Variants in ADAMTS2 observed in about 807,000 individuals in gnomAD.
ADAMTS2 encodes the protein ADAM metallopeptidase with thrombospondin type 1 motif 2, also known as A disintegrin and metalloproteinase with thrombospondin motifs 2.
In ADAMTS2, 50 loss-of-function variants were observed where a neutral mutation model predicts 123.0. The observed-to-expected ratio is 0.41, with a 90% CI of 0.32 to 0.51. The LOEUF is 0.51. Among genes scored for constraint, ADAMTS2 ranks in the 20% least tolerant of loss-of-function variants. The pLI is 0.35. For missense variants in ADAMTS2, 1,494 were observed against 1,705.2 expected (o/e 0.88, Z 2.18); for synonymous variants, 678 against 695.4 (o/e 0.98, Z 0.39).
intron 4 of ADAMTS2, among the ~76,000 whole-genome samples, chr5:179,193,265 C>T (rs1028476667): frequency 6.6e-6 from 1 of 152,186 alleles, no homozygotes; most frequent in Admixed American, 6.5e-5. Flanking sequence ...CATCATGGGC[C>T]GAGTGAACAA....
At chr5:179,122,324 G>GGCACCCCCCACTCA (rs1561766200) in intron 20 of ADAMTS2, among the ~76,000 whole-genome samples, 5 of 151,774 alleles carry the variant, frequency 3.3e-5, no homozygotes, top group Middle Eastern at 3.4e-3. Context: ...CTCTCTACTC[G>GGCACCCCCCACTCA]CACAGGCGTC....
At chr5:179,172,443 G>A (rs966442691) in intron 5 of ADAMTS2, among the ~76,000 whole-genome samples, 20 of 152,268 alleles carry the variant, frequency 1.3e-4, no homozygotes, top group Non-Finnish European at 2.9e-5. Flanking sequence ...GCGCATGAGG[G>A]GCAGGGGCCA....
chr5:179,207,500 C>T lies in ADAMTS2; in HGVS notation c.891+13G>A, dbSNP rs769860930. On this transcript the variant is annotated intron_variant, in intron 4 of 21. Transcript: ENST00000251582. ...TCCCCGCCCCACCCTGCCCCCTCAG[C>T]CACCCCACTCACAATGTTCATGAGT... 30 of 1,569,916 alleles carry T rather than the reference C, an allele frequency of 1.9e-5. No homozygotes were observed. In the East Asian group the frequency reaches 6.6e-4, roughly 34 times the overall value.
chr5:179,210,535 C>T (rs1356075845), intron 3 of ADAMTS2, among the ~76,000 whole-genome samples: 1 of 152,234 alleles, frequency 6.6e-6, no homozygotes, highest in Non-Finnish European at 1.5e-5. Context: ...AGCATCCCTC[C>T]ACCCAGGACC....
Position 179,113,724 on chromosome 5 carries a change from T to C in ADAMTS2, c.*143A>G. On this transcript the variant is annotated 3_prime_UTR_variant, in exon 22 of 22. Coordinates refer to ENST00000251582, the MANE Select transcript of ADAMTS2 (RefSeq NM_014244.5). ...TACCACATGCTCATGCCTATCTTTCTTACGTCATTCCCCCTCTTTGTTTTC... is the reference window on the plus strand; with the variant it reads ...TACCACATGCTCATGCCTATCTTTCCTACGTCATTCCCCCTCTTTGTTTTC... 1.2e-6 allele frequency: 1 copy of C among 859,098 alleles called. No individual in the cohort carries two copies. The highest frequency in any genetic ancestry group is 1.5e-5 in the South Asian group (1 of 65,414). 53.2% of individuals were successfully genotyped at this position (859,098 alleles called of 1,614,324 possible).
At chr5:179,288,686 C>T (rs2113540003) in intron 2 of ADAMTS2, among the ~76,000 whole-genome samples, 1 of 152,352 alleles carries the variant, frequency 6.6e-6, no homozygotes, top group South Asian at 2.1e-4. Context: ...GCAGCGAGGC[C>T]AGCAATGACC....
In ADAMTS2 at chr5:179,272,689, T is replaced by C. The variant is rs1413475751; in HGVS notation, c.688+222A>G. Among the ~76,000 whole-genome samples the C allele has an allele frequency of 1.3e-5, 2 of 152,124 alleles. No individual in the cohort carries two copies. Among genetic ancestry groups the C allele is most frequent in the Non-Finnish European group, 2.9e-5 (2 of 68,002 alleles). On this transcript the variant is annotated intron_variant, in intron 3 of 21. Transcript: ENST00000251582. The surrounding 1 kb of genome is among the most constrained non-coding windows in gnomAD (Gnocchi z 5.8). ...TGAAGGCAGAGGTGTCTGGGCTGCT[T>C]GTCACCCACATGCACCCAGAACAGA...
chr5:179,345,235 G>A lies in ADAMTS2; in HGVS notation c.94C>T (p.Pro32Ser), dbSNP rs547548078. The A allele has an allele frequency of 2.5e-4, 285 of 1,143,624 alleles. 1 individual carries two copies. In the African/African-American group the frequency reaches 4.3e-3, roughly 17 times the overall value. The allele number at this position is 1,143,624 out of a possible 1,614,324, so 70.8% of individuals were successfully genotyped here. Reference protein sequence around the residue: ...LLPPPLLPPPPPPANARLAAA... With the variant: ...LLPPPLLPPPSPPANARLAAA... ...GCGAGCCTGGCGTTCGCGGGCGGCG[G>A]CGGCGGCGGCAGGAGCGGCGGCGGC... The change falls in exon 1 of 22, where the codon CCG (proline) becomes TCG (serine). Residue 32 changes from proline (P) to serine (S), a missense_variant. Around this residue, in one of 6 missense-constraint regions of ADAMTS2, gnomAD observed 237 missense variants for 233.7 expected, o/e 1.01. Coordinates refer to ENST00000251582, the MANE Select transcript of ADAMTS2 (RefSeq NM_014244.5). The surrounding 1 kb of genome is among the most constrained non-coding windows in gnomAD (Gnocchi z 7.5).
At chr5:179,330,347 TACCCACCCC>T (rs1757450611) in intron 2 of ADAMTS2, among the ~76,000 whole-genome samples, 1 of 151,552 alleles carries the variant, frequency 6.6e-6, no homozygotes, top group African/African-American at 2.4e-5. Flanking sequence ...GGCCTACATC[TACCCACCCC>T]ATACCATGCC....
rs1360407737 is a variant in ADAMTS2 at position 179,153,722 on chromosome 5, C to A, written c.1383-99G>T. On this transcript the variant is annotated intron_variant, in intron 8 of 21. Coordinates refer to ENST00000251582, the MANE Select transcript of ADAMTS2 (RefSeq NM_014244.5). ...CCCCTGCTGGAGCTGCCATGGCAGC[C>A]CTACCTGCACATCCCGGCCCCTGGC... The A allele has an allele frequency of 6.1e-6, 9 of 1,469,526 alleles. No homozygotes were observed. The East Asian group carries it at 2.0e-4, about 32-fold the overall frequency. The allele number at this position is 1,469,526 out of a possible 1,614,324, so 91.0% of individuals were successfully genotyped here. A position where few individuals can be genotyped will look rare whatever the true frequency, so the allele number is the denominator to read the frequency against.
chr5:179,273,150 C>A, intron 2 of ADAMTS2, 86 bp from the exon 3 acceptor site: 1 of 1,590,848 alleles, frequency 6.3e-7, no homozygotes, highest in Non-Finnish European at 8.6e-7. Flanking sequence ...TCAGGGAGTA[C>A]CTCCCACCTG....
Position 179,256,841 on chromosome 5 carries a change from G to A in ADAMTS2, c.688+16070C>T, listed in dbSNP as rs1325782308. On this transcript the variant is annotated intron_variant, in intron 3 of 21. Coordinates refer to ENST00000251582, the MANE Select transcript of ADAMTS2 (RefSeq NM_014244.5). This position sits in a 1 kb window ranked among gnomAD's most constrained non-coding sequence, Gnocchi z 4.1. ...CTCAACATTTCTGAAGCCGTTGTAC[G>A]AGTCAAATAAAACATTGCGGGGTGG... 6.6e-6 allele frequency among the ~76,000 whole-genome samples: 1 copy of A among 152,254 alleles called. No individual in the cohort carries two copies. Among genetic ancestry groups the A allele is most frequent in the Non-Finnish European group, 1.5e-5 (1 of 68,052 alleles).
intron 2 of ADAMTS2, among the ~76,000 whole-genome samples, chr5:179,328,090 G>A (rs190209028): frequency 1.5e-3 from 233 of 152,242 alleles, no homozygotes; most frequent in African/African-American, 5.4e-3. Context: ...GTGCAGTGGT[G>A]CAAGCGATCT....
Position 179,314,096 on chromosome 5 carries a change from A to G in ADAMTS2, c.534+29671T>C, listed in dbSNP as rs544209543. On this transcript the variant is annotated intron_variant, in intron 2 of 21. Transcript: ENST00000251582. This position sits in a 1 kb window ranked among gnomAD's most constrained non-coding sequence, Gnocchi z 4.5. ...CCTCACACACCCCACACCCCTGCCT[A>G]TGCCCAGACCTCCAGCTTCAGGCTC... 6.6e-6 allele frequency among the ~76,000 whole-genome samples: 1 copy of G among 152,276 alleles called. No individual in the cohort carries two copies. The highest frequency in any genetic ancestry group is 2.4e-5 in the African/African-American group (1 of 41,562).
chr5:179,174,969 C>T (rs1763901048), intron 5 of ADAMTS2, among the ~76,000 whole-genome samples: 1 of 151,060 alleles, frequency 6.6e-6, no homozygotes, highest in Non-Finnish European at 1.5e-5. Flanking sequence ...GCAGCTGTCT[C>T]AGCCATTCTT....
intron 3 of ADAMTS2, among the ~76,000 whole-genome samples, chr5:179,240,638 C>G (rs1348340716): frequency 6.6e-6 from 1 of 152,184 alleles, no homozygotes; most frequent in African/African-American, 2.4e-5. Context: ...GAAACCTTGA[C>G]AGCTGTGGTC....
rs537509873 is a variant in ADAMTS2, at chr5:179,202,076, C to A, written c.891+5437G>T. Among the ~76,000 whole-genome samples, 1 of 152,202 alleles carries A rather than the reference C, an allele frequency of 6.6e-6. No individual in the cohort carries two copies. Among genetic ancestry groups the A allele is most frequent in the South Asian group, 2.1e-4 (1 of 4,824 alleles). ...CTTTCCCATAGAAAAGGGAATATCA[C>A]GTCTTGTCTTTAACATAGACAGGAA... On this transcript the variant is annotated intron_variant, in intron 4 of 21. Transcript: ENST00000251582. This position sits in a 1 kb window ranked among gnomAD's most constrained non-coding sequence, Gnocchi z 4.0.
intron 3 of ADAMTS2, among the ~76,000 whole-genome samples, chr5:179,248,559 T>C (rs1378689126): frequency 1.3e-5 from 2 of 151,984 alleles, no homozygotes; most frequent in Non-Finnish European, 2.9e-5. Context: ...AGAAATGCTA[T>C]GCAAATAGAA....
At chr5:179,241,493 T>G (rs1034893158) in intron 3 of ADAMTS2, among the ~76,000 whole-genome samples, 3 of 152,224 alleles carry the variant, frequency 2.0e-5, no homozygotes, top group Admixed American at 6.5e-5. Flanking sequence ...GTCAGGGCTT[T>G]GGGCCTCACT....
Sources: gnomAD v4.1 joint callset for allele counts (sites outside exome capture counted in the v4.1 genomes callset) on GRCh38, gnomAD v4.1.1 for gene constraint, gnomAD v4.1.1 regional missense constraint, Gnocchi (gnomAD v3.1) non-coding constraint, MANE v1.5 for transcripts, NCBI Gene and HGNC (gene_info 2026-07-23, HGNC 2026-07-21) for gene names.